Variants in SORCS2 observed in about 807,000 individuals in gnomAD.
SORCS2 encodes the protein sortilin related VPS10 domain containing receptor 2.
In SORCS2, 100 loss-of-function variants were observed where a neutral mutation model predicts 141.6. That is an observed-to-expected ratio of 0.71 (90% CI 0.60 to 0.83). The LOEUF (loss-of-function observed/expected upper bound fraction) is 0.83, where lower values mean the gene tolerates loss of function less well. Among genes scored for constraint, SORCS2 ranks in the 40% least tolerant of loss-of-function variants. The probability of loss-of-function intolerance (pLI) is 0.00; values close to 1 mark genes in which losing one functional copy is unlikely to be tolerated. For synonymous variants in SORCS2, 789 were observed against 676.9 expected (o/e 1.17, Z -2.57); for missense variants, 1,646 against 1,560.2 (o/e 1.05, Z -0.93).
intron 5 of SORCS2, among the ~76,000 whole-genome samples, chr4:7,660,773 A>G (rs192281412): frequency 1.3e-5 from 2 of 152,350 alleles, no homozygotes; most frequent in South Asian, 4.1e-4. Flanking sequence ...GTGTGGGGAC[A>G]GCCTGGTGCA....
intron 17 of SORCS2, among the ~76,000 whole-genome samples, chr4:7,717,808 G>C (rs1333589534): frequency 6.6e-6 from 1 of 152,206 alleles, no homozygotes; most frequent in Non-Finnish European, 1.5e-5. Flanking sequence ...TTCTTCCTCT[G>C]AGCCTCAGTG....
intron 15 of SORCS2, among the ~76,000 whole-genome samples, chr4:7,713,596 C>T (rs1171611974): frequency 2.0e-5 from 3 of 152,028 alleles, no homozygotes. Context: ...GAGGAAACAC[C>T]AGGCATCAGA....
chr4:7,400,973 G>A (rs1724550447), intron 2 of SORCS2, among the ~76,000 whole-genome samples: 1 of 151,986 alleles, frequency 6.6e-6, no homozygotes, highest in Admixed American at 6.5e-5. Flanking sequence ...ATGGATGGAT[G>A]AATGGATAGA....
intron 1 of SORCS2, among the ~76,000 whole-genome samples, chr4:7,221,628 G>A (rs1302049893): frequency 6.6e-6 from 1 of 152,190 alleles, no homozygotes; most frequent in Admixed American, 6.5e-5. Context: ...GCCCGTGAGG[G>A]CACCGGAGAA....
chr4:7,485,458 C>T (rs1730919449), intron 2 of SORCS2, among the ~76,000 whole-genome samples: 1 of 152,380 alleles, frequency 6.6e-6, no homozygotes, highest in Non-Finnish European at 1.5e-5. Flanking sequence ...GGCCCCACCC[C>T]TCACCTGGAG....
At chr4:7,438,289 G>A (rs1727435788) in intron 2 of SORCS2, among the ~76,000 whole-genome samples, 1 of 152,208 alleles carries the variant, frequency 6.6e-6, no homozygotes, top group South Asian at 2.1e-4. Flanking sequence ...GTCCCTCTGT[G>A]CAGGTCTGAC....
chr4:7,691,771 C>G (rs1724271584), intron 11 of SORCS2, among the ~76,000 whole-genome samples: 1 of 152,122 alleles, frequency 6.6e-6, no homozygotes, highest in African/African-American at 2.4e-5. Context: ...TTAAAATGCA[C>G]TGTCTTGATT....
At chr4:7,660,410 G>C (rs1722079126) in intron 5 of SORCS2, among the ~76,000 whole-genome samples, 1 of 152,212 alleles carries the variant, frequency 6.6e-6, no homozygotes, top group Admixed American at 6.5e-5. Context: ...CCGTAGGTTT[G>C]TCCCACTGGG....
chr4:7,354,900 T>G (rs1284948413), intron 1 of SORCS2, among the ~76,000 whole-genome samples: 1 of 152,216 alleles, frequency 6.6e-6, no homozygotes, highest in East Asian at 1.9e-4. Context: ...TCCATGGTGA[T>G]ATTTAGCACT....
chr4:7,289,329 C>A (rs2108874262), intron 1 of SORCS2, among the ~76,000 whole-genome samples: 1 of 152,270 alleles, frequency 6.6e-6, no homozygotes, highest in Middle Eastern at 3.4e-3. Context: ...AGGAAGCCTT[C>A]CTGGATTTCA....
At chr4:7,514,142 C>T (rs1044676054) in intron 2 of SORCS2, among the ~76,000 whole-genome samples, 2 of 152,086 alleles carry the variant, frequency 1.3e-5, no homozygotes, top group Non-Finnish European at 2.9e-5. Flanking sequence ...AAGCTGGAGC[C>T]GACAGCTCCA....
At chr4:7,206,928 G>C (rs1428421061) in intron 1 of SORCS2, among the ~76,000 whole-genome samples, 1 of 152,152 alleles carries the variant, frequency 6.6e-6, no homozygotes, top group Non-Finnish European at 1.5e-5. Context: ...ACCATGGGAG[G>C]GCTTTCCCAG....
chr4:7,480,355 G>T (rs902455265), intron 2 of SORCS2, among the ~76,000 whole-genome samples: 7 of 152,160 alleles, frequency 4.6e-5, no homozygotes, highest in African/African-American at 1.7e-4. Context: ...ACATGGAGAA[G>T]TGACATTCCC....
chr4:7,654,469 A>T (rs1320482826), intron 5 of SORCS2, among the ~76,000 whole-genome samples: 1 of 152,152 alleles, frequency 6.6e-6, no homozygotes, highest in South Asian at 2.1e-4. Flanking sequence ...CCCTCAGGCC[A>T]CGTTTTTACC....
intron 3 of SORCS2, among the ~76,000 whole-genome samples, chr4:7,568,754 A>T (rs1447675389): frequency 6.6e-6 from 1 of 152,244 alleles, no homozygotes; most frequent in Non-Finnish European, 1.5e-5. Flanking sequence ...CTCAACCCAC[A>T]GTTTGGGAAC....
chr4:7,413,390 G>GTT (rs1725450042), intron 2 of SORCS2, among the ~76,000 whole-genome samples: 5 of 48,930 alleles, frequency 1.0e-4, no homozygotes, highest in African/African-American at 1.7e-4. Context: ...TTTCACAGCT[G>GTT]CTTTTTTTTT....
At chr4:7,657,818 G>A (rs569492373) in intron 5 of SORCS2, among the ~76,000 whole-genome samples, 2 of 152,106 alleles carry the variant, frequency 1.3e-5, no homozygotes, top group South Asian at 2.1e-4. Flanking sequence ...GAATGAGTGA[G>A]TGGGTGAGTC....
intron 3 of SORCS2, among the ~76,000 whole-genome samples, chr4:7,616,103 G>A (rs984721012): frequency 9.9e-5 from 15 of 152,162 alleles, no homozygotes; most frequent in Admixed American, 9.8e-4. Flanking sequence ...TATAGGAACA[G>A]GTTTTCAATA....
chr4:7,701,343 A>T (rs934272304), intron 12 of SORCS2, among the ~76,000 whole-genome samples: 3 of 152,026 alleles, frequency 2.0e-5, no homozygotes, highest in Non-Finnish European at 1.5e-5. Flanking sequence ...TTTCATAAGG[A>T]TCCTCTCTTC....
Sources: allele counts gnomAD v4.1 joint callset (sites outside exome capture counted in the v4.1 genomes callset), GRCh38; gene constraint gnomAD v4.1.1; transcripts MANE v1.5; gene names NCBI Gene and HGNC (gene_info 2026-07-23, HGNC 2026-07-21).